The following TTLL6 variants were observed in gnomAD, a reference collection of about 807,000 sequenced individuals.
The protein encoded by TTLL6 is tubulin polyglutamylase TTLL6.
A neutral mutation model predicts 96.4 loss-of-function variants in TTLL6; 75 were observed. The ratio of observed to expected loss-of-function variants is 0.78; its 90% CI spans 0.65 to 0.94. TTLL6 has a LOEUF of 0.94. TTLL6 is among the 40% of genes least tolerant of loss of function. TTLL6 has a pLI of 0.00. For missense variants in TTLL6, 1,030 were observed against 1,093.0 expected (o/e 0.94, Z 0.81); for synonymous variants, 411 against 419.4 (o/e 0.98, Z 0.24).
chr17:48,787,712 T>C, intron 11 of TTLL6, 99 bp downstream of exon 11: 3 of 1,271,306 alleles, frequency 2.4e-6, no homozygotes, highest in Non-Finnish European at 3.3e-6. Context: ...GCAACTTTCA[T>C]GGCTGGGGAC....
At chr17:48,777,011 G>GAC (rs71369215) in intron 13 of TTLL6, among the ~76,000 whole-genome samples, 13,518 of 141,354 alleles carry the variant, frequency 0.096, 682 homozygotes, top group African/African-American at 0.15. Context: ...CATAAGGATA[G>GAC]ACACACACAC....
intron 1 of TTLL6, among the ~76,000 whole-genome samples, chr17:48,808,307 G>T (rs964065546): frequency 9.9e-5 from 15 of 152,130 alleles, no homozygotes; most frequent in African/African-American, 3.6e-4. Context: ...CTTACTTGGG[G>T]TTATTTTCTT....
chr17:48,768,429 C>T (rs1426265142), intron 15 of TTLL6, among the ~76,000 whole-genome samples: 2 of 152,256 alleles, frequency 1.3e-5, no homozygotes, highest in East Asian at 3.9e-4. Flanking sequence ...TGCCACCATG[C>T]CCAGCTAATT....
chr17:48,766,699 A>G (rs1318063610), intron 15 of TTLL6, among the ~76,000 whole-genome samples: 1 of 152,154 alleles, frequency 6.6e-6, no homozygotes, highest in African/African-American at 2.4e-5. Context: ...CCCTATATCT[A>G]CTAGAAATAC....
At chr17:48,811,788 C>G (rs1290414474) in intron 1 of TTLL6, among the ~76,000 whole-genome samples, 4 of 151,598 alleles carry the variant, frequency 2.6e-5, no homozygotes. Context: ...ACCTCCACCT[C>G]CCAGGTTCCA....
At position 48,812,464 on chromosome 17, in the gene TTLL6, G is replaced by T. The variant is rs559044089; in HGVS notation, c.103+4506C>A. ...ATCCCAGCTCTGCCACTTCCTAGTT[G>T]TCTGAACTCAGGCAGTTTATTTAAC... On this transcript the variant is annotated intron_variant, in intron 1 of 15. Coordinates refer to ENST00000393382, the MANE Select transcript of TTLL6 (RefSeq NM_001130918.3). Among the ~76,000 whole-genome samples, 41 of 152,314 alleles carry T rather than the reference G, an allele frequency of 2.7e-4. 2 individuals carry two copies. The South Asian group carries it at 6.2e-3, about 23-fold the overall frequency.
chr17:48,812,830 C>T (rs535405702), intron 1 of TTLL6, among the ~76,000 whole-genome samples: 1 of 152,194 alleles, frequency 6.6e-6, no homozygotes, highest in Non-Finnish European at 1.5e-5. Context: ...AGCTATATAA[C>T]AGAAGTGTTG....
chr17:48,768,395 C>T (rs924822200), intron 15 of TTLL6, among the ~76,000 whole-genome samples: 2 of 152,208 alleles, frequency 1.3e-5, no homozygotes, highest in African/African-American at 2.4e-5. Context: ...CTCAGCCTCC[C>T]GAGTGGCTGG....
At chr17:48,814,997 CA>C (rs2039648665) in intron 1 of TTLL6, among the ~76,000 whole-genome samples, 2 of 152,138 alleles carry the variant, frequency 1.3e-5, no homozygotes, top group South Asian at 4.1e-4. Flanking sequence ...AGGCTGGTCT[CA>C]AACTCCCAAC....
chr17:48,796,979 G>A (rs1283107719), intron 7 of TTLL6, 82 bp downstream of exon 7: 5 of 1,412,040 alleles, frequency 3.5e-6, no homozygotes, highest in South Asian at 1.5e-5. Context: ...ACAATGTCTT[G>A]AGGATGTGGA....
intron 13 of TTLL6, among the ~76,000 whole-genome samples, chr17:48,771,666 A>AGT (rs2038750287): frequency 7.5e-6 from 1 of 133,362 alleles, no homozygotes. Flanking sequence ...TATACACATT[A>AGT]GTGTATATAT....
Position 48,769,114 on chromosome 17 carries a change from G to C in TTLL6, c.2551C>G (p.Pro851Ala), listed in dbSNP as rs1164849622. ...CAAGGCCTTGGATCCAGTTGGGCTG[G>C]AGTGGCAATCACCAGCAGGTCCCTC... is the stretch of plus-strand genomic sequence containing the variant. ...TLRDLLVIAT[P>A]AQLDPRPCRS... The change falls in exon 15 of 16, where the codon CCA (proline) becomes GCA (alanine). Residue 851 changes from proline to alanine, a missense_variant. Transcript: ENST00000393382. The C allele has an allele frequency of 6.2e-7, 1 of 1,614,200 alleles. No homozygotes were observed.
chr17:48,811,068 C>CTTT (rs35618180), intron 1 of TTLL6, among the ~76,000 whole-genome samples: 9 of 110,544 alleles, frequency 8.1e-5, no homozygotes, highest in African/African-American at 1.0e-4. Flanking sequence ...TATTATTTTT[C>CTTT]TTTTTTTTTT....
At chr17:48,805,346 G>T (rs1056180566) in intron 1 of TTLL6, among the ~76,000 whole-genome samples, 1 of 152,206 alleles carries the variant, frequency 6.6e-6, no homozygotes, top group African/African-American at 2.4e-5. Flanking sequence ...AGCTGAGAGA[G>T]TTAGTCCTAG....
At chr17:48,768,412 A>G (rs2038659035) in intron 15 of TTLL6, among the ~76,000 whole-genome samples, 4 of 152,340 alleles carry the variant, frequency 2.6e-5, no homozygotes, top group African/African-American at 9.6e-5. Flanking sequence ...CTGGGACCAC[A>G]GGCGGGTGCC....
chr17:48,783,437 GTTT>G, intron 13 of TTLL6, among the ~76,000 whole-genome samples: 1 of 145,846 alleles, frequency 6.9e-6, no homozygotes, highest in Non-Finnish European at 1.5e-5. Flanking sequence ...AAAAAATATT[GTTT>G]TTTTTTTTTT....
intron 13 of TTLL6, among the ~76,000 whole-genome samples, chr17:48,784,104 G>A (rs1446793429): frequency 6.6e-6 from 1 of 152,104 alleles, no homozygotes; most frequent in Non-Finnish European, 1.5e-5. Flanking sequence ...AATGACTGGT[G>A]TCCTTATAAG....
intron 1 of TTLL6, among the ~76,000 whole-genome samples, chr17:48,810,729 T>C (rs962470113): frequency 1.3e-5 from 2 of 148,908 alleles, no homozygotes; most frequent in African/African-American, 4.9e-5. Context: ...TGTGTATATA[T>C]AGTATGTGTG....
Position 48,769,063 on chromosome 17 carries a change from C to T in TTLL6, c.2602G>A (p.Asp868Asn), listed in dbSNP as rs1321239010. The T allele has an allele frequency of 1.9e-5, 30 of 1,614,024 alleles. No homozygotes were observed. In the Admixed American group the frequency reaches 5.0e-4, roughly 27 times the overall value. Reference protein sequence around the residue: ...PCRSHASAMRDPCMQDQEAYS... With the variant: ...PCRSHASAMRNPCMQDQEAYS... Reference sequence around the variant, plus strand: ...GCTTCTTGATCCTGCATACATGGGTCCCTCATAGCACTTGCGTGGCTTCTA... The same window carrying T: ...GCTTCTTGATCCTGCATACATGGGTTCCTCATAGCACTTGCGTGGCTTCTA... The change falls in exon 15 of 16, where the codon GAC becomes AAC. Residue 868 changes from aspartate to asparagine, a missense_variant. Physicochemically the swap from Asp to Asn is conservative, Grantham distance 23. Coordinates refer to ENST00000393382, the MANE Select transcript of TTLL6 (RefSeq NM_001130918.3).
Sources: gnomAD v4.1 joint callset for allele counts (sites outside exome capture counted in the v4.1 genomes callset) on GRCh38, gnomAD v4.1.1 for gene constraint, MANE v1.5 for transcripts, NCBI Gene and HGNC (gene_info 2026-07-23, HGNC 2026-07-21) for gene names.